The following DLG2 variants were observed in gnomAD, a reference collection of about 807,000 sequenced individuals.
The protein encoded by DLG2 is discs large MAGUK scaffold protein 2, also known as disks large homolog 2.
Under a neutral mutation model 132.5 loss-of-function variants are expected in DLG2, and 45 were observed. The ratio of observed to expected loss-of-function variants is 0.34; its 90% confidence interval spans 0.27 to 0.44. The LOEUF (loss-of-function observed/expected upper bound fraction) is 0.44. Among genes scored for constraint, DLG2 ranks in the 20% least tolerant of loss-of-function variants. The pLI is 1.00. For synonymous variants in DLG2, 424 were observed against 419.6 expected, an observed-to-expected ratio of 1.01 and a Z score of -0.13; for missense variants, 1,045 against 1,196.9, an observed-to-expected ratio of 0.87 and a Z score of 1.87.
intron 15 of DLG2, among the ~76,000 whole-genome samples, chr11:83,877,705 T>A (rs2065123278): frequency 6.6e-6 from 1 of 152,194 alleles, no homozygotes; most frequent in Non-Finnish European, 1.5e-5. Context: ...AAAATGTAAT[T>A]ATCCTTTCAC....
intron 3 of DLG2, among the ~76,000 whole-genome samples, chr11:85,345,527 G>C (rs1001109614): frequency 6.6e-6 from 1 of 152,102 alleles, no homozygotes; most frequent in Non-Finnish European, 1.5e-5. Context: ...TGAGGAATTT[G>C]CATGATATCA....
intron 8 of DLG2, among the ~76,000 whole-genome samples, chr11:84,187,146 T>A (rs1276874816): frequency 6.7e-6 from 1 of 150,176 alleles, no homozygotes. Flanking sequence ...GTATTATATA[T>A]AAATAGAAAT....
Position 83,459,328 on chromosome 11 carries a change from C to CTTTCT in DLG2, c.*485_*489dup, listed in dbSNP as rs1171882583. Reference sequence around the variant, plus strand: ...TAGTATGTCATCTCCAAAGGGATTCCTTTCTTTTTTCCTTCTTTCTTTCAT... The same window carrying CTTTCT: ...TAGTATGTCATCTCCAAAGGGATTCCTTTCTTTTCTTTTTTCCTTCTTTCTTTCAT... On this transcript the variant is annotated 3_prime_UTR_variant, in exon 28 of 28. Coordinates refer to ENST00000376104, the MANE Select transcript of DLG2 (RefSeq NM_001142699.3). 6.5e-6 allele frequency: 1 copy of CTTTCT among 152,854 alleles called. No individual in the cohort carries two copies. Among genetic ancestry groups the CTTTCT allele is most frequent in the Admixed American group, 6.5e-5 (1 of 15,302 alleles). The allele number at this position is 152,854 out of a possible 1,614,324, so 9.5% of individuals were successfully genotyped here.
chr11:83,970,102 T>G (rs769151739), intron 12 of DLG2, among the ~76,000 whole-genome samples: 2 of 152,088 alleles, frequency 1.3e-5, no homozygotes, highest in Non-Finnish European at 2.9e-5. Context: ...AGAAACTAAC[T>G]GGATTAGATT....
chr11:84,059,548 T>A, intron 10 of DLG2, 64 bp from the exon 11 acceptor site: 1 of 1,247,396 alleles, frequency 8.0e-7, no homozygotes, highest in East Asian at 2.8e-5. Flanking sequence ...AGAATATTAT[T>A]ATGTTTATCT....
intron 7 of DLG2, among the ~76,000 whole-genome samples, chr11:84,491,310 A>T (rs934846032): frequency 2.6e-5 from 4 of 151,986 alleles, no homozygotes; most frequent in African/African-American, 9.7e-5. Flanking sequence ...GATGGTTATT[A>T]TAAGGGGGAG....
intron 11 of DLG2, among the ~76,000 whole-genome samples, chr11:84,011,416 A>G (rs1257279620): frequency 6.6e-6 from 1 of 152,100 alleles, no homozygotes; most frequent in African/African-American, 2.4e-5. Flanking sequence ...AGCTGCAGTG[A>G]GTTGTGACAG....
At chr11:85,350,690 G>C (rs1214760624) in intron 3 of DLG2, among the ~76,000 whole-genome samples, 1 of 152,130 alleles carries the variant, frequency 6.6e-6, no homozygotes, top group East Asian at 1.9e-4. Context: ...TCTTGTTTTT[G>C]TCAGGCTTGT....
chr11:85,011,849 C>T (rs1274761771), intron 6 of DLG2, among the ~76,000 whole-genome samples: 1 of 152,086 alleles, frequency 6.6e-6, no homozygotes, highest in Admixed American at 6.6e-5. Context: ...AATAAGCTGG[C>T]AAACAAAAGA....
At chr11:83,750,161 A>G (rs1457705344) in intron 18 of DLG2, among the ~76,000 whole-genome samples, 1 of 152,210 alleles carries the variant, frequency 6.6e-6, no homozygotes, top group African/African-American at 2.4e-5. Context: ...AACCCCCAAG[A>G]TTCCCATCTG....
At chr11:84,209,515 G>A (rs1246447949) in intron 8 of DLG2, among the ~76,000 whole-genome samples, 1 of 151,892 alleles carries the variant, frequency 6.6e-6, no homozygotes, top group African/African-American at 2.4e-5. Flanking sequence ...ATATTCTATG[G>A]TAATATAATA....
intron 4 of DLG2, among the ~76,000 whole-genome samples, chr11:85,272,810 A>G (rs2077624558): frequency 6.6e-6 from 1 of 152,200 alleles, no homozygotes; most frequent in African/African-American, 2.4e-5. Flanking sequence ...ATACTAAGCA[A>G]AAAGAACAAA....
chr11:84,963,441 G>GC (rs2052877327), intron 6 of DLG2, among the ~76,000 whole-genome samples: 1 of 142,956 alleles, frequency 7.0e-6, no homozygotes, highest in African/African-American at 2.7e-5. Flanking sequence ...TCTATAGACT[G>GC]CCTCCTGGCT....
intron 4 of DLG2, among the ~76,000 whole-genome samples, chr11:85,204,163 ATAG>A (rs1340379228): frequency 6.6e-6 from 1 of 152,148 alleles, no homozygotes; most frequent in Non-Finnish European, 1.5e-5. Flanking sequence ...TTCATTCAAT[ATAG>A]TAGTAGACGT....
chr11:83,502,420 G>C (rs1308946074), intron 21 of DLG2, among the ~76,000 whole-genome samples: 1 of 151,646 alleles, frequency 6.6e-6, no homozygotes, highest in Non-Finnish European at 1.5e-5. Flanking sequence ...AACTTCTCCA[G>C]GCAAATTACT....
intron 2 of DLG2, among the ~76,000 whole-genome samples, chr11:85,622,723 TCA>T (rs969697816): frequency 1.3e-5 from 2 of 151,820 alleles, no homozygotes; most frequent in African/African-American, 4.8e-5. Context: ...AACTGTAATC[TCA>T]GTTTCAAGGG....
chr11:84,431,688 C>G (rs764254009), intron 7 of DLG2, among the ~76,000 whole-genome samples: 5 of 151,818 alleles, frequency 3.3e-5, no homozygotes, highest in Non-Finnish European at 7.4e-5. Flanking sequence ...TTAATATTAC[C>G]AGATAAATAA....
chr11:84,435,409 C>T (rs2098997530), intron 7 of DLG2, among the ~76,000 whole-genome samples: 1 of 152,162 alleles, frequency 6.6e-6, no homozygotes, highest in South Asian at 2.1e-4. Flanking sequence ...ATTTCAGGAA[C>T]TCTGTGAATA....
intron 6 of DLG2, among the ~76,000 whole-genome samples, chr11:85,056,870 T>C (rs888517666): frequency 3.3e-5 from 5 of 151,780 alleles, no homozygotes; most frequent in Admixed American, 3.3e-4. Context: ...TTCAAAAACG[T>C]AGGCAAAATA....
Sources: allele counts gnomAD v4.1 joint callset (sites outside exome capture counted in the v4.1 genomes callset), GRCh38; gene constraint gnomAD v4.1.1; transcripts MANE v1.5; gene names NCBI Gene and HGNC (gene_info 2026-07-23, HGNC 2026-07-21).